Variants in LRBA observed in about 807,000 individuals in gnomAD.
LRBA encodes the protein lipopolysaccharide-responsive and beige-like anchor protein.
In LRBA, 176 loss-of-function variants were observed where a neutral mutation model predicts 330.0. The ratio of observed to expected loss-of-function variants is 0.53; its 90% CI spans 0.47 to 0.60. The LOEUF is 0.60. Ranked by LOEUF, LRBA falls within the 20% of genes least tolerant of loss-of-function variation. The pLI is 0.00. For missense variants in LRBA, 3,259 were observed against 3,444.8 expected (o/e 0.95, Z 1.35); for synonymous variants, 1,230 against 1,193.0 (o/e 1.03, Z -0.64).
At chr4:151,008,460 T>C (rs933214988) in intron 2 of LRBA, among the ~76,000 whole-genome samples, 1 of 152,096 alleles carries the variant, frequency 6.6e-6, no homozygotes, top group African/African-American at 2.4e-5. Context: ...GACTCCTGCA[T>C]AGACCAAAAT....
chr4:150,625,213 CTATAAA>C (rs1350475221), intron 37 of LRBA, among the ~76,000 whole-genome samples: 1 of 152,058 alleles, frequency 6.6e-6, no homozygotes, highest in Non-Finnish European at 1.5e-5. Context: ...GGTTTTCTAA[CTATAAA>C]GGCCACTTGA....
At chr4:150,772,658 C>T (rs1195779297) in intron 34 of LRBA, among the ~76,000 whole-genome samples, 1 of 152,136 alleles carries the variant, frequency 6.6e-6, no homozygotes, top group Non-Finnish European at 1.5e-5. Context: ...GATGTCAGGG[C>T]CTTGCTCCAA....
At chr4:150,565,962 TCA>T (rs1481240032) in intron 40 of LRBA, among the ~76,000 whole-genome samples, 1 of 151,702 alleles carries the variant, frequency 6.6e-6, no homozygotes, top group Non-Finnish European at 1.5e-5. Flanking sequence ...GCCCAGTGGC[TCA>T]CACCTGTAAT....
chr4:150,922,063 G>A (rs568924470), intron 4 of LRBA, among the ~76,000 whole-genome samples: 18 of 151,742 alleles, frequency 1.2e-4, no homozygotes, highest in Admixed American at 2.0e-4. Flanking sequence ...GTTTCACCAC[G>A]TTGGCCAGAC....
intron 44 of LRBA, among the ~76,000 whole-genome samples, chr4:150,443,625 C>G (rs1052911285): frequency 2.0e-5 from 3 of 151,824 alleles, no homozygotes; most frequent in Non-Finnish European, 4.4e-5. Context: ...CATGTTCTCA[C>G]TCATAGGTGG....
At chr4:150,660,459 GC>G (rs1407402254) in intron 37 of LRBA, among the ~76,000 whole-genome samples, 2 of 151,024 alleles carry the variant, frequency 1.3e-5, no homozygotes, top group African/African-American at 2.4e-5. Flanking sequence ...CCGGCCAGCC[GC>G]CCCGTCCGGG....
intron 47 of LRBA, among the ~76,000 whole-genome samples, chr4:150,396,612 T>C (rs1744771119): frequency 6.6e-6 from 1 of 152,062 alleles, no homozygotes; most frequent in Non-Finnish European, 1.5e-5. Context: ...GAAAAGCTAT[T>C]GAGGGAAAAT....
chr4:150,934,152 C>T (rs1445709551), intron 2 of LRBA, among the ~76,000 whole-genome samples: 1 of 152,102 alleles, frequency 6.6e-6, no homozygotes, highest in African/African-American at 2.4e-5. Context: ...TAACAAATTA[C>T]TCACTGAGTC....
intron 47 of LRBA, among the ~76,000 whole-genome samples, chr4:150,385,446 A>G (rs1226382180): frequency 1.3e-5 from 2 of 152,198 alleles, no homozygotes; most frequent in Non-Finnish European, 2.9e-5. Context: ...TTTATTTTCT[A>G]TTACAAGTAT....
intron 37 of LRBA, among the ~76,000 whole-genome samples, chr4:150,628,883 C>T (rs1777102763): frequency 6.6e-6 from 1 of 152,150 alleles, no homozygotes; most frequent in African/African-American, 2.4e-5. Context: ...ATATACACTT[C>T]TAAGTCATTC....
intron 40 of LRBA, among the ~76,000 whole-genome samples, chr4:150,502,384 T>C (rs1760397451): frequency 6.6e-6 from 1 of 152,268 alleles, no homozygotes; most frequent in Admixed American, 6.5e-5. Context: ...CCCAGAACAA[T>C]GTATTATAAG....
At position 150,906,356 on chromosome 4, in the gene LRBA, T is replaced by C; in HGVS notation, c.1543A>G (p.Met515Val). The C allele has an allele frequency of 3.1e-6, 5 of 1,612,888 alleles. No individual in the cohort carries two copies. Among genetic ancestry groups the C allele is most frequent in the African/African-American group, 1.3e-5 (1 of 75,024 alleles). The change falls in exon 12 of 57, where the codon ATG becomes GTG. Residue 515 changes from methionine to valine, a missense_variant. Coordinates refer to ENST00000651943, the MANE Select transcript of LRBA (RefSeq NM_001364905.1). ...TTACAGGCAAGCATCTGTTCCTGCA[T>C]AGCAATTGAGTTCTTCAACAATTCC... The part of the protein sequence containing the change: ...IMELLKNSIA[M>V]QEQMLACKGF...
intron 22 of LRBA, among the ~76,000 whole-genome samples, chr4:150,859,527 C>T (rs552885273): frequency 3.3e-5 from 5 of 152,046 alleles, no homozygotes; most frequent in African/African-American, 7.2e-5. Context: ...AAATCACAAA[C>T]GTTACTAGGT....
At chr4:150,805,524 G>A (rs1742591854) in intron 33 of LRBA, among the ~76,000 whole-genome samples, 1 of 125,528 alleles carries the variant, frequency 8.0e-6, no homozygotes, top group Non-Finnish European at 1.6e-5. Flanking sequence ...GAAAGGAAAA[G>A]GAAAGGAAAG....
chr4:150,567,049 C>T (rs1007389091), intron 40 of LRBA, among the ~76,000 whole-genome samples: 1 of 152,078 alleles, frequency 6.6e-6, no homozygotes, highest in Non-Finnish European at 1.5e-5. Flanking sequence ...CTACCAATCA[C>T]TTTAAAACAA....
At chr4:150,981,470 C>G (rs1163087631) in intron 2 of LRBA, among the ~76,000 whole-genome samples, 3 of 150,748 alleles carry the variant, frequency 2.0e-5, no homozygotes, top group Non-Finnish European at 1.5e-5. Flanking sequence ...CCCAGAATAG[C>G]CAAAGCTATC....
chr4:150,617,019 C>A (rs1246080038), intron 37 of LRBA, among the ~76,000 whole-genome samples: 2 of 152,168 alleles, frequency 1.3e-5, no homozygotes, highest in Admixed American at 6.5e-5. Flanking sequence ...AAGTTTAGTA[C>A]ATTTTGTCAG....
intron 37 of LRBA, among the ~76,000 whole-genome samples, chr4:150,605,158 T>G (rs1054934584): frequency 2.6e-5 from 4 of 152,236 alleles, no homozygotes; most frequent in Non-Finnish European, 5.9e-5. Flanking sequence ...TGTTAATTAC[T>G]GAAATCAGTG....
intron 36 of LRBA, among the ~76,000 whole-genome samples, chr4:150,687,301 G>C (rs1447686383): frequency 6.6e-6 from 1 of 151,992 alleles, no homozygotes; most frequent in Non-Finnish European, 1.5e-5. Flanking sequence ...TTTATTTGTA[G>C]TATACATATT....
Sources: gnomAD v4.1 joint callset for allele counts (sites outside exome capture counted in the v4.1 genomes callset) on GRCh38, gnomAD v4.1.1 for gene constraint, MANE v1.5 for transcripts, NCBI Gene and HGNC (gene_info 2026-07-23, HGNC 2026-07-21) for gene names.